Variants in ZBTB46 observed in about 807,000 individuals in gnomAD.
The protein encoded by ZBTB46 is zinc finger and BTB domain containing 46, also known as zinc finger and BTB domain-containing protein 46.
In ZBTB46, 8 loss-of-function variants were observed where a neutral mutation model predicts 44.1. The observed-to-expected ratio is 0.18, with a 90% CI of 0.11 to 0.33. The LOEUF (loss-of-function observed/expected upper bound fraction) is 0.33. ZBTB46 is among the 10% of genes least tolerant of loss of function. ZBTB46 has a pLI of 1.00. For missense variants in ZBTB46, 651 were observed against 847.7 expected (o/e 0.77, Z 2.88); for synonymous variants, 409 against 382.3 (o/e 1.07, Z -0.81).
At chr20:63,809,604 CAAT>C (rs2092706418) in intron 1 of ZBTB46, among the ~76,000 whole-genome samples, 2 of 152,190 alleles carry the variant, frequency 1.3e-5, no homozygotes, top group Admixed American at 6.5e-5. Context: ...TGGCTTAACT[CAAT>C]GATACAATTT....
chr20:63,831,468 G>C (rs967010183), upstream of ZBTB46, among the ~76,000 whole-genome samples: 12 of 144,976 alleles, frequency 8.3e-5, no homozygotes, highest in African/African-American at 2.7e-4. Context: ...GCGCCGCGCC[G>C]CGGGGTCGCA....
At position 63,763,065 on chromosome 20, in the gene ZBTB46, GC is replaced by G. The variant is rs972513717; in HGVS notation, c.1223-10205del. Reference sequence around the variant, plus strand: ...TTTAGAGATGGGGTCTTGCTAAGTTGCCCAGGCAGGTCTCAAACTCTTGGCC... The same window carrying G: ...TTTAGAGATGGGGTCTTGCTAAGTTGCCAGGCAGGTCTCAAACTCTTGGCC... On this transcript the variant is annotated intron_variant, in intron 3 of 4. Transcript: ENST00000245663. 3.3e-4 allele frequency among the ~76,000 whole-genome samples: 50 copies of G among 152,242 alleles called. 1 individual carries two copies. The highest frequency in any genetic ancestry group is 5.2e-4 in the Admixed American group (8 of 15,290).
At chr20:63,809,592 T>G (rs940256958) in intron 1 of ZBTB46, among the ~76,000 whole-genome samples, 1 of 152,192 alleles carries the variant, frequency 6.6e-6, no homozygotes, top group African/African-American at 2.4e-5. Flanking sequence ...TGGTGGCCAG[T>G]GTGGCTTAAC....
At chr20:63,830,866 C>T (rs1238139796) in intron 1 of ZBTB46, among the ~76,000 whole-genome samples, 1 of 142,530 alleles carries the variant, frequency 7.0e-6, no homozygotes, top group Non-Finnish European at 1.6e-5. Context: ...GGGGGGCACC[C>T]GCGGGGGCCG....
intron 2 of ZBTB46, among the ~76,000 whole-genome samples, chr20:63,777,688 C>T (rs2092436778): frequency 6.6e-6 from 1 of 152,160 alleles, no homozygotes; most frequent in Non-Finnish European, 1.5e-5. Context: ...CAGAAAACCT[C>T]GTCCAGGACG....
At chr20:63,756,016 C>T (rs891390523) in intron 3 of ZBTB46, among the ~76,000 whole-genome samples, 5 of 152,190 alleles carry the variant, frequency 3.3e-5, no homozygotes, top group African/African-American at 7.2e-5. Context: ...CAGCGACATC[C>T]GGCTGCGACT....
rs572744269 is a variant in ZBTB46, at chr20:63,789,841, G to T, written c.917C>A (p.Pro306Gln). 2 of 1,610,834 alleles carry T rather than the reference G, an allele frequency of 1.2e-6. No homozygotes were observed. Among genetic ancestry groups the T allele is most frequent in the South Asian group, 1.1e-5 (1 of 90,992 alleles). The change falls in exon 2 of 5, where the codon CCG (proline) becomes CAG (glutamine). Residue 306 changes from proline (P) to glutamine (Q), a missense_variant. Pro to Gln is a moderately conservative substitution (Grantham distance 76, BLOSUM62 -1). This residue lies in a region of ZBTB46 where 385 missense variants were observed against 423.3 expected (regional missense o/e 0.91). Transcript: ENST00000245663. The stretch of plus-strand genomic sequence containing the variant: ...CTTACTTGAGTCTCGGCTGCTGAAC[G>T]GCCACCCCGACGTCGGCAGGAAGGA... Reference protein sequence around the residue: ...VPSFLPTSGWPFSSRDSNADL... With the variant: ...VPSFLPTSGWQFSSRDSNADL...
At chr20:63,822,722 C>T (rs73145513) in intron 1 of ZBTB46, among the ~76,000 whole-genome samples, 5,417 of 152,214 alleles carry the variant, frequency 0.036, 145 homozygotes, top group Non-Finnish European at 0.057. Flanking sequence ...TCTCGGAATT[C>T]CAGACCACGG....
chr20:63,808,849 C>T (rs1192500637), intron 1 of ZBTB46, among the ~76,000 whole-genome samples: 7 of 151,502 alleles, frequency 4.6e-5, no homozygotes, highest in African/African-American at 9.7e-5. Flanking sequence ...GTGGTGGGGG[C>T]GCCTGCAGTC....
chr20:63,808,740 C>T (rs914815640), intron 1 of ZBTB46, among the ~76,000 whole-genome samples: 3 of 151,932 alleles, frequency 2.0e-5, no homozygotes, highest in Admixed American at 6.6e-5. Context: ...TTTGGGAGGC[C>T]GAGGCGGGCG....
rs556015387 is a variant in ZBTB46, at chr20:63,776,366, G to A, written c.938-404C>T. ...GAGAGGCTCAAAATGGATCAATGAC[G>A]TTAGAGCTAAATCTATAAAATTCTT... On this transcript the variant is annotated intron_variant, in intron 2 of 4. Coordinates refer to ENST00000245663, the MANE Select transcript of ZBTB46 (RefSeq NM_001369741.1). Among the ~76,000 whole-genome samples the A allele has an allele frequency of 3.9e-5, 6 of 152,344 alleles. No homozygotes were observed. In the East Asian group the frequency reaches 1.2e-3, roughly 29 times the overall value.
At position 63,767,756 on chromosome 20, in the gene ZBTB46, C is replaced by T. The variant is rs77269470; in HGVS notation, c.1222+7922G>A. On this transcript the variant is annotated intron_variant, in intron 3 of 4. Coordinates refer to ENST00000245663, the MANE Select transcript of ZBTB46 (RefSeq NM_001369741.1). This position sits in a 1 kb window ranked among gnomAD's most constrained non-coding sequence, Gnocchi z 5.0. ...TGGCCTCAGGGTAAAGCTGTCAGCG[C>T]CCAAGGAGCTCCAGGCGAGGCCAAG... 177 of 451,434 alleles carry T rather than the reference C, an allele frequency of 3.9e-4. 5 individuals are homozygous for T. The East Asian group carries it at 0.021, about 53-fold the overall frequency. 28.0% of individuals were successfully genotyped at this position (451,434 alleles called of 1,614,324 possible).
intron 1 of ZBTB46, among the ~76,000 whole-genome samples, chr20:63,797,434 ACT>A (rs2145962194): frequency 6.6e-6 from 1 of 152,242 alleles, no homozygotes; most frequent in East Asian, 1.9e-4. Context: ...CCAAGTCTTT[ACT>A]ATCGTGAATA....
chr20:63,762,261 G>A lies in ZBTB46; in HGVS notation c.1223-9400C>T, dbSNP rs189985414. 3.9e-5 allele frequency among the ~76,000 whole-genome samples: 6 copies of A among 152,264 alleles called. No homozygotes were observed. The East Asian group carries it at 7.7e-4, about 20-fold the overall frequency. ...TATCCTTACTGAGATTTTGTTTGCT[G>A]TTCTATCAATTACTGAGATAAGTGT... On this transcript the variant is annotated intron_variant, in intron 3 of 4. Coordinates refer to ENST00000245663, the MANE Select transcript of ZBTB46 (RefSeq NM_001369741.1).
chr20:63,765,220 C>G lies in ZBTB46; in HGVS notation c.1222+10458G>C, dbSNP rs534892278. ...TTTCTTGCTTCTTGGGATTTTGCCC[C>G]TCAAGTCCCGGCTCCTCTGGCTGCC... On this transcript the variant is annotated intron_variant, in intron 3 of 4. Transcript: ENST00000245663. Among the ~76,000 whole-genome samples the G allele has an allele frequency of 3.3e-3, 495 of 152,132 alleles. 4 individuals carry two copies. The highest frequency in any genetic ancestry group is 0.024 in the Middle Eastern group (7 of 294).
At chr20:63,816,620 G>T (rs146009758) in intron 1 of ZBTB46, 2 of 152,236 alleles carry the variant, frequency 1.3e-5, no homozygotes, top group African/African-American at 2.4e-5. Context: ...AGAGAAATAC[G>T]TGTGAAAGAT....
Position 63,816,513 on chromosome 20 carries a change from C to T in ZBTB46, c.-34+14584G>A, listed in dbSNP as rs142444720. 1.8e-3 allele frequency: 281 copies of T among 152,636 alleles called. 2 individuals are homozygous for T. The highest frequency in any genetic ancestry group is 3.0e-3 in the Non-Finnish European group (202 of 68,304). 9.5% of individuals were successfully genotyped at this position (152,636 alleles called of 1,614,324 possible). A position where few individuals can be genotyped will look rare whatever the true frequency, so the allele number is the denominator to read the frequency against. On this transcript the variant is annotated intron_variant, in intron 1 of 4. Coordinates refer to ENST00000245663, the MANE Select transcript of ZBTB46 (RefSeq NM_001369741.1). ...AATGCATTAGTTAATATTTTGGTGA[C>T]GCTGGTTACTTGCCACCTCTGCTGT...
chr20:63,795,347 C>G (rs536342967), intron 1 of ZBTB46, among the ~76,000 whole-genome samples: 1 of 152,362 alleles, frequency 6.6e-6, no homozygotes, highest in South Asian at 2.1e-4. Context: ...CCTCAACCGC[C>G]GACAACCAGG....
At chr20:63,815,723 C>T (rs569972807) in intron 1 of ZBTB46, among the ~76,000 whole-genome samples, 7 of 137,804 alleles carry the variant, frequency 5.1e-5, no homozygotes, top group Admixed American at 4.4e-4. Context: ...CGAGTGGGTG[C>T]AGGTGCAGTA....
Sources: allele counts gnomAD v4.1 joint callset (sites outside exome capture counted in the v4.1 genomes callset), GRCh38; gene constraint gnomAD v4.1.1; regional missense constraint gnomAD v4.1.1; non-coding constraint Gnocchi (gnomAD v3.1); transcripts MANE v1.5; gene names NCBI Gene and HGNC (gene_info 2026-07-23, HGNC 2026-07-21).